The following SPTB variants were observed in gnomAD, a reference collection of about 807,000 sequenced individuals.
SPTB encodes the protein spectrin beta chain, erythrocytic.
SPTB carries 45 observed loss-of-function variants against 256.2 expected under a neutral mutation model. The observed-to-expected ratio is 0.18, with a 90% CI of 0.14 to 0.23. SPTB has a LOEUF of 0.23. Ranked by LOEUF, SPTB falls within the 10% of genes least tolerant of loss-of-function variation. The probability of loss-of-function intolerance (pLI) is 1.00; values close to 1 mark genes in which losing one functional copy is unlikely to be tolerated. For missense variants in SPTB, 2,715 were observed against 3,040.4 expected (o/e 0.89, Z 2.52); for synonymous variants, 1,231 against 1,243.1 (o/e 0.99, Z 0.21).
At position 64,816,421 on chromosome 14, in the gene SPTB, C is replaced by T. The variant is rs996500963; in HGVS notation, c.148+6526G>A. Among the ~76,000 whole-genome samples, 7 of 152,156 alleles carry T rather than the reference C, an allele frequency of 4.6e-5. No homozygotes were observed. The highest frequency in any genetic ancestry group is 1.9e-4 in the East Asian group (1 of 5,198). ...GTGGCCTATCAGGCCTGTGAAGTGG[C>T]CCCTGCCTGCCCTCCTATCACCACC... is the stretch of plus-strand genomic sequence containing the variant. On this transcript the variant is annotated intron_variant, in intron 2 of 35. Transcript: ENST00000644917. The surrounding 1 kb of genome is among the most constrained non-coding windows in gnomAD (Gnocchi z 4.2).
At position 64,795,420 on chromosome 14, in the gene SPTB, G is replaced by A. The variant is rs886050625; in HGVS notation, c.1561C>T (p.Arg521Cys). 4.3e-6 allele frequency: 7 copies of A among 1,614,180 alleles called. No homozygotes were observed. The highest frequency in any genetic ancestry group is 5.1e-6 in the Non-Finnish European group (6 of 1,180,038). The change falls in exon 12 of 36, where the codon CGC (arginine) becomes TGC (cysteine). Residue 521 changes from arginine to cysteine, a missense_variant. Around this residue, in one of 4 missense-constraint regions of SPTB, gnomAD observed 2,239 missense variants for 2,384.4 expected, o/e 0.94. Coordinates refer to ENST00000644917, the MANE Select transcript of SPTB (RefSeq NM_001355436.2). The surrounding 1 kb of genome is among the most constrained non-coding windows in gnomAD (Gnocchi z 6.5). ...GCCAGGGTGGTCTCGAGCCTCTGGC[G>A]CCGGGACTGCAGCAGCTCCTGCAGG... ...SYLQELLQSR[R>C]QRLETTLALQ...
chr14:64,792,798 G>A lies in SPTB; in HGVS notation c.2666+199C>T, dbSNP rs901112833. 2.0e-5 allele frequency among the ~76,000 whole-genome samples: 3 copies of A among 152,200 alleles called. No homozygotes were observed. Among genetic ancestry groups the A allele is most frequent in the Non-Finnish European group, 4.4e-5 (3 of 68,030 alleles). On this transcript the variant is annotated intron_variant, in intron 14 of 35. Transcript: ENST00000644917. The surrounding 1 kb of genome is among the most constrained non-coding windows in gnomAD (Gnocchi z 4.2). Reference sequence around the variant, plus strand: ...AATTCCCTTTGTTTGAGGAACACAAGGCCCCAAAGGGTGAAGTACCCCAGG... The same window carrying A: ...AATTCCCTTTGTTTGAGGAACACAAAGCCCCAAAGGGTGAAGTACCCCAGG...
chr14:64,855,285 G>C lies in SPTB; in HGVS notation c.-52+24507C>G, dbSNP rs373611198. 7.7e-4 allele frequency among the ~76,000 whole-genome samples: 117 copies of C among 152,312 alleles called. 3 individuals carry two copies. The South Asian group carries it at 0.019, about 25-fold the overall frequency. ...ATGTCTAGCAAGAACTATTCCTCTC[G>C]CAACAGGGTGGATCAACAGAGGACA... On this transcript the variant is annotated intron_variant, in intron 1 of 35. Coordinates refer to ENST00000644917, the MANE Select transcript of SPTB (RefSeq NM_001355436.2).
At position 64,746,925 on chromosome 14, in the gene SPTB, G is replaced by A. The variant is rs2081854781; in HGVS notation, c.*2381C>T. 6.6e-6 allele frequency: 1 copy of A among 152,624 alleles called. No individual in the cohort carries two copies. The highest frequency in any genetic ancestry group is 6.5e-5 in the Admixed American group (1 of 15,292). The allele number at this position is 152,624 out of a possible 1,614,324, so 9.5% of individuals were successfully genotyped here. ...AAAAAAGACCTTGCTAGGGCACTGG[G>A]AGAGCTTAGCCCTGGTGTGGCACAC... On this transcript the variant is annotated 3_prime_UTR_variant, in exon 36 of 36. Coordinates refer to ENST00000644917, the MANE Select transcript of SPTB (RefSeq NM_001355436.2). The surrounding 1 kb of genome is among the most constrained non-coding windows in gnomAD (Gnocchi z 4.9).
rs2083378140 is a variant in SPTB, at chr14:64,826,371, G to GA, written c.-51-3227dup. On this transcript the variant is annotated intron_variant, in intron 1 of 35. Transcript: ENST00000644917. This position sits in a 1 kb window ranked among gnomAD's most constrained non-coding sequence, Gnocchi z 4.4. The stretch of plus-strand genomic sequence containing the variant: ...TGGCTATAAAGAGATGACCATGACT[G>GA]AAAAAAACAGCATATGTTGGGGCTC... Among the ~76,000 whole-genome samples, 1 of 152,104 alleles carries GA rather than the reference G, an allele frequency of 6.6e-6. No homozygotes were observed. Among genetic ancestry groups the GA allele is most frequent in the South Asian group, 2.1e-4 (1 of 4,818 alleles).
chr14:64,749,622 A>G lies in SPTB; in HGVS notation c.6819+32T>C. The stretch of plus-strand genomic sequence containing the variant: ...GGGGTCCTCCACCTACCCCCTTCTT[A>G]GCCAGGTCTGGGCTAGGCTGCCCGC... On this transcript the variant is annotated intron_variant, in intron 35 of 35. Coordinates refer to ENST00000644917, the MANE Select transcript of SPTB (RefSeq NM_001355436.2). This position sits in a 1 kb window ranked among gnomAD's most constrained non-coding sequence, Gnocchi z 4.7. 6.2e-7 allele frequency: 1 copy of G among 1,612,938 alleles called. No individual in the cohort carries two copies. Among genetic ancestry groups the G allele is most frequent in the Non-Finnish European group, 8.5e-7 (1 of 1,179,860 alleles).
At chr14:64,820,771 A>G (rs1007587656) in intron 2 of SPTB, among the ~76,000 whole-genome samples, 1 of 152,100 alleles carries the variant, frequency 6.6e-6, no homozygotes, top group Non-Finnish European at 1.5e-5. Flanking sequence ...CCCGGGTTCA[A>G]GCAATTCTCG....
intron 1 of SPTB, among the ~76,000 whole-genome samples, chr14:64,833,605 G>C (rs903385844): frequency 6.6e-6 from 1 of 151,792 alleles, no homozygotes; most frequent in Non-Finnish European, 1.5e-5. Context: ...CCCTGCAGTA[G>C]GTGGAGGTGG....
chr14:64,748,805 G>A lies in SPTB; in HGVS notation c.*501C>T, dbSNP rs924499710. On this transcript the variant is annotated 3_prime_UTR_variant, in exon 36 of 36. Transcript: ENST00000644917. ...GGCTCCTTCCTCATGCCCCTAGGGG[G>A]CTGGCCATGCATTTCCAGTGTCTTC... 6.2e-6 allele frequency: 1 copy of A among 162,272 alleles called. No homozygotes were observed. The highest frequency in any genetic ancestry group is 6.4e-5 in the Admixed American group (1 of 15,656). The allele number at this position is 162,272 out of a possible 1,614,324, so 10.1% of individuals were successfully genotyped here.
chr14:64,829,014 T>C (rs907018677), intron 1 of SPTB, among the ~76,000 whole-genome samples: 3 of 152,212 alleles, frequency 2.0e-5, no homozygotes, highest in Admixed American at 6.5e-5. Flanking sequence ...AACTTTACAA[T>C]GGAGGGATCA....
chr14:64,752,092 T>TAAAC, intron 33 of SPTB: 2 of 1,087,824 alleles, frequency 1.8e-6, no homozygotes, highest in Non-Finnish European at 2.4e-6. Context: ...AGACTCTGTC[T>TAAAC]AAACAAAACA....
rs531181455 is a variant in SPTB at position 64,825,440 on chromosome 14, A to G, written c.-51-2295T>C. Reference sequence around the variant, plus strand: ...CTGGCTGGGCAACGATAGCCGGGAAAGATACCCCCCACCCCCGGCCCCACA... The same window carrying G: ...CTGGCTGGGCAACGATAGCCGGGAAGGATACCCCCCACCCCCGGCCCCACA... On this transcript the variant is annotated intron_variant, in intron 1 of 35. Coordinates refer to ENST00000644917, the MANE Select transcript of SPTB (RefSeq NM_001355436.2). The surrounding 1 kb of genome is among the most constrained non-coding windows in gnomAD (Gnocchi z 4.8). 1.3e-5 allele frequency among the ~76,000 whole-genome samples: 2 copies of G among 151,658 alleles called. No individual in the cohort carries two copies. The highest frequency in any genetic ancestry group is 3.0e-5 in the Non-Finnish European group (2 of 67,784).
chr14:64,750,230 T>A (rs2081924339), intron 33 of SPTB, 76 bp from the exon 34 acceptor site: 1 of 1,437,766 alleles, frequency 7.0e-7, no homozygotes, highest in Admixed American at 2.3e-5. Context: ...AGCTTCACCA[T>A]TAAAAAAAAT....
rs1020072281 is a variant in SPTB at position 64,792,037 on chromosome 14, G to A, written c.2667-181C>T. Among the ~76,000 whole-genome samples the A allele has an allele frequency of 6.6e-6, 1 of 152,212 alleles. No homozygotes were observed. The highest frequency in any genetic ancestry group is 2.4e-5 in the African/African-American group (1 of 41,442). ...TGCTGGCCCTCCTTTCTGGTTCATG[G>A]GTTTGATTTCATGAGTTAGCATTGC... On this transcript the variant is annotated intron_variant, in intron 14 of 35. Coordinates refer to ENST00000644917, the MANE Select transcript of SPTB (RefSeq NM_001355436.2). The surrounding 1 kb of genome is among the most constrained non-coding windows in gnomAD (Gnocchi z 4.2).
intron 33 of SPTB, 50 bp downstream of exon 33, chr14:64,753,487 C>T (rs745701182): frequency 6.2e-7 from 1 of 1,611,454 alleles, no homozygotes; most frequent in Non-Finnish European, 8.5e-7. Context: ...CAGAGAGATC[C>T]CTGAGAGCTG....
Position 64,787,094 on chromosome 14 carries a change from G to C in SPTB, c.2871C>G (p.His957Gln). 1 of 1,611,408 alleles carries C rather than the reference G, an allele frequency of 6.2e-7. No individual in the cohort carries two copies. Among genetic ancestry groups the C allele is most frequent in the Non-Finnish European group, 8.5e-7 (1 of 1,179,968 alleles). The change falls in exon 16 of 36, where the codon CAC becomes CAG. Residue 957 changes from histidine to glutamine, a missense_variant. His to Gln is a conservative substitution (Grantham distance 24, BLOSUM62 0). This residue lies in a region of SPTB where 2,239 missense variants were observed against 2,384.4 expected (regional missense o/e 0.94). Coordinates refer to ENST00000644917, the MANE Select transcript of SPTB (RefSeq NM_001355436.2). ...REAVDSALRV[H>Q]NYCVDCEETS... ...TCTCCTCGCAATCTACGCAGTAGTT[G>C]TGCACTCGGAGGGCTGAGTCCACAG...
At chr14:64,761,869 G>A (rs189394082) in intron 32 of SPTB, among the ~76,000 whole-genome samples, 4 of 152,158 alleles carry the variant, frequency 2.6e-5, no homozygotes, top group Admixed American at 2.6e-4. Context: ...CCACCCAGTG[G>A]TCACATCGTC....
intron 24 of SPTB, among the ~76,000 whole-genome samples, chr14:64,773,650 G>A (rs1327372705): frequency 6.6e-6 from 1 of 152,204 alleles, no homozygotes; most frequent in Non-Finnish European, 1.5e-5. Flanking sequence ...GTCCTGGAGG[G>A]GTGCTTCCCA....
In SPTB at chr14:64,753,713, A is replaced by T. The variant is rs2081983455; in HGVS notation, c.6426T>A (p.Thr2142=). The change falls in exon 33 of 36, where the codon ACT becomes ACA. Residue 2142 remains threonine (T), a synonymous_variant. Coordinates refer to ENST00000644917, the MANE Select transcript of SPTB (RefSeq NM_001355436.2). ...GCTCCGTGGTGGGCCTCTCATCCCC[A>T]GTGGATTTCTGCCCATCCTTGTGCT... ...PGQHKDGQKS[T]GDERPTTEPL... 6.2e-7 allele frequency: 1 copy of T among 1,613,662 alleles called. No homozygotes were observed. Among genetic ancestry groups the T allele is most frequent in the African/African-American group, 1.3e-5 (1 of 74,986 alleles).
Sources: gnomAD v4.1 joint callset for allele counts (sites outside exome capture counted in the v4.1 genomes callset) on GRCh38, gnomAD v4.1.1 for gene constraint, gnomAD v4.1.1 regional missense constraint, Gnocchi (gnomAD v3.1) non-coding constraint, MANE v1.5 for transcripts, NCBI Gene and HGNC (gene_info 2026-07-23, HGNC 2026-07-21) for gene names.